The following ACSM3 variants were observed in gnomAD, a reference collection of about 807,000 sequenced individuals.
ACSM3 encodes the protein acyl-CoA synthetase medium chain family member 3.
A neutral mutation model predicts 74.1 loss-of-function variants in ACSM3; 61 were observed. The observed-to-expected ratio is 0.82, with a 90% CI of 0.67 to 1.02. The LOEUF is 1.02. Ranked by LOEUF, ACSM3 falls within the 50% of genes least tolerant of loss-of-function variation. ACSM3 has a pLI of 0.00. For missense variants in ACSM3, 660 were observed against 697.0 expected, an observed-to-expected ratio of 0.95 and a Z score of 0.60; for synonymous variants, 213 against 241.5, an observed-to-expected ratio of 0.88 and a Z score of 1.09.
At chr16:20,782,382 A>G (rs1342085365) in intron 7 of ACSM3, among the ~76,000 whole-genome samples, 1 of 152,062 alleles carries the variant, frequency 6.6e-6, no homozygotes, top group African/African-American at 2.4e-5. Flanking sequence ...ATAGTCTTTT[A>G]TCCCTCACCC....
At chr16:20,770,710 C>A (rs1374967981) in intron 2 of ACSM3, among the ~76,000 whole-genome samples, 1 of 152,076 alleles carries the variant, frequency 6.6e-6, no homozygotes, top group Admixed American at 6.5e-5. Context: ...TGGCTTCCAA[C>A]GTCTAGAAAT....
chr16:20,703,402 C>G (rs1395961022), intron 1 of ACSM3: 2 of 152,168 alleles, frequency 1.3e-5, no homozygotes, highest in Admixed American at 1.3e-4. Context: ...TTACTTTGGG[C>G]AGTATGACCA....
chr16:20,709,849 A>G (rs1352602069), intron 1 of ACSM3, among the ~76,000 whole-genome samples: 3 of 152,200 alleles, frequency 2.0e-5, no homozygotes, highest in African/African-American at 7.2e-5. Context: ...AAGTCTTGGG[A>G]GTCTGGGGAA....
intron 1 of ACSM3, among the ~76,000 whole-genome samples, chr16:20,716,688 C>T (rs777595860): frequency 6.6e-5 from 10 of 152,232 alleles, no homozygotes; most frequent in African/African-American, 2.2e-4. Flanking sequence ...GTCCTCACCA[C>T]GTGCTTCTTT....
chr16:20,759,173 A>G (rs560086306), upstream of ACSM3, among the ~76,000 whole-genome samples: 2 of 152,130 alleles, frequency 1.3e-5, no homozygotes, highest in South Asian at 4.2e-4. Flanking sequence ...CCATCCCCCT[A>G]CCTCTTGGGA....
At chr16:20,741,481 G>GGGGGGGGGGGGCCCCCCCCCCC in intron 1 of ACSM3, 1 of 1,308,406 alleles carries the variant, frequency 7.6e-7, no homozygotes, top group Non-Finnish European at 9.9e-7. Flanking sequence ...CTGGCAGCCG[G>GGGGGGGGGGGGCCCCCCCCCCC]CCCGCCCGCC....
chr16:20,776,666 G>T (rs1300259676), intron 3 of ACSM3, among the ~76,000 whole-genome samples: 1 of 152,170 alleles, frequency 6.6e-6, no homozygotes, highest in Non-Finnish European at 1.5e-5. Flanking sequence ...AAAAGAAGTA[G>T]TATTATTACA....
At chr16:20,741,410 C>T (rs1325034097) in intron 1 of ACSM3, 1 of 1,407,346 alleles carries the variant, frequency 7.1e-7, no homozygotes, top group Admixed American at 2.9e-5. Flanking sequence ...ACGCCGACGA[C>T]CCGAGGCGCG....
chr16:20,744,257 A>G (rs1439892702), intron 1 of ACSM3, among the ~76,000 whole-genome samples: 3 of 152,368 alleles, frequency 2.0e-5, no homozygotes, highest in East Asian at 1.9e-4. Flanking sequence ...TTCTCCATAC[A>G]TAGTGAACTA....
intron 1 of ACSM3, among the ~76,000 whole-genome samples, chr16:20,695,905 A>G (rs904905386): frequency 6.6e-6 from 1 of 152,242 alleles, no homozygotes; most frequent in African/African-American, 2.4e-5. Context: ...GTCTATAACA[A>G]TAACACATGT....
intron 1 of ACSM3, among the ~76,000 whole-genome samples, chr16:20,727,848 G>A (rs972905965): frequency 6.6e-6 from 1 of 152,138 alleles, no homozygotes; most frequent in Non-Finnish European, 1.5e-5. Flanking sequence ...GTGACCAGTG[G>A]TCCCCAAACC....
chr16:20,768,186 A>G (rs1177012509), intron 1 of ACSM3, among the ~76,000 whole-genome samples: 1 of 152,212 alleles, frequency 6.6e-6, no homozygotes, highest in African/African-American at 2.4e-5. Context: ...CAAATCTCTG[A>G]TGGAGGTTCT....
At chr16:20,704,121 G>C (rs140411427) in intron 1 of ACSM3, among the ~76,000 whole-genome samples, 99 of 152,224 alleles carry the variant, frequency 6.5e-4, no homozygotes, top group African/African-American at 2.2e-3. Flanking sequence ...AATGCTGCAA[G>C]CTTGATATTT....
intron 1 of ACSM3, chr16:20,697,731 T>C (rs2079697562): frequency 6.6e-6 from 1 of 152,234 alleles, no homozygotes; most frequent in African/African-American, 2.4e-5. Context: ...TCTGATCAGG[T>C]GATCCGCAGG....
At chr16:20,705,323 A>G in intron 1 of ACSM3, among the ~76,000 whole-genome samples, 1 of 150,098 alleles carries the variant, frequency 6.7e-6, no homozygotes, top group South Asian at 2.2e-4. Context: ...CACTGAGCAG[A>G]GAGAGAGCCA....
chr16:20,782,444 C>T (rs143624170), intron 7 of ACSM3, among the ~76,000 whole-genome samples: 179 of 152,276 alleles, frequency 1.2e-3, no homozygotes, highest in African/African-American at 4.2e-3. Flanking sequence ...CATTCTTACG[C>T]TATTGCATCC....
chr16:20,729,523 T>C, intron 1 of ACSM3: 5 of 592,090 alleles, frequency 8.4e-6, no homozygotes, highest in Non-Finnish European at 1.6e-5. Context: ...AATCAGCTGT[T>C]GTCAGTAGTC....
intron 1 of ACSM3, chr16:20,736,106 G>A (rs2079866715): frequency 6.6e-6 from 1 of 152,174 alleles, no homozygotes; most frequent in Non-Finnish European, 1.5e-5. Flanking sequence ...AGTTTTGTAA[G>A]TTGCATGTCA....
intron 2 of ACSM3, among the ~76,000 whole-genome samples, chr16:20,774,581 A>T (rs2080233475): frequency 6.6e-6 from 1 of 152,174 alleles, no homozygotes; most frequent in Non-Finnish European, 1.5e-5. Context: ...AGTTTCTTGT[A>T]GGCAGCCTAT....
Sources: allele counts gnomAD v4.1 joint callset (sites outside exome capture counted in the v4.1 genomes callset), GRCh38; gene constraint gnomAD v4.1.1; transcripts MANE v1.5; gene names NCBI Gene and HGNC (gene_info 2026-07-23, HGNC 2026-07-21).